Variants in RARRES1 observed in about 807,000 individuals in gnomAD.
RARRES1 encodes the protein retinoic acid receptor responder 1, also known as retinoic acid receptor responder protein 1.
In RARRES1, 34 loss-of-function variants were observed where a neutral mutation model predicts 30.6. The ratio of observed to expected loss-of-function variants is 1.11; its 90% CI spans 0.84 to 1.48. The LOEUF (loss-of-function observed/expected upper bound fraction) is 1.48. Ranked by LOEUF, RARRES1 falls within the 40% of genes most tolerant of loss-of-function variation. The pLI, the probability that RARRES1 is intolerant of heterozygous loss-of-function variation, is 0.00. For synonymous variants in RARRES1, 153 were observed against 155.5 expected, an observed-to-expected ratio of 0.98 and a Z score of 0.12; for missense variants, 373 against 386.5, an observed-to-expected ratio of 0.97 and a Z score of 0.29.
At chr3:158,709,386 A>G (rs1033314710) in intron 3 of RARRES1, among the ~76,000 whole-genome samples, 1 of 151,696 alleles carries the variant, frequency 6.6e-6, no homozygotes, top group Non-Finnish European at 1.5e-5. Flanking sequence ...GTGTAGATTT[A>G]TAAGTATCAG....
Position 158,732,092 on chromosome 3 carries a change from G to A in RARRES1, c.276+48C>T, listed in dbSNP as rs965847450. Reference sequence around the variant, plus strand: ...TACCCAGGTGTCACCTCCCAGCGCCGTGCGCGGACAGGCAGGCGCGTGCCC... The same window carrying A: ...TACCCAGGTGTCACCTCCCAGCGCCATGCGCGGACAGGCAGGCGCGTGCCC... On this transcript the variant is annotated intron_variant, in intron 1 of 5. Coordinates refer to ENST00000237696, the MANE Select transcript of RARRES1 (RefSeq NM_206963.2). 6.2e-6 allele frequency: 8 copies of A among 1,295,456 alleles called. No homozygotes were observed. In the African/African-American group the frequency reaches 9.3e-5, roughly 15 times the overall value. The allele number at this position is 1,295,456 out of a possible 1,614,324, so 80.2% of individuals were successfully genotyped here.
In RARRES1 at chr3:158,697,548, G is replaced by A. The variant is rs548767918; in HGVS notation, c.*130C>T. 3 of 1,019,474 alleles carry A rather than the reference G, an allele frequency of 2.9e-6. No homozygotes were observed. In the East Asian group the frequency reaches 7.5e-5, roughly 25 times the overall value. The allele number at this position is 1,019,474 out of a possible 1,614,324, so 63.2% of individuals were successfully genotyped here. On this transcript the variant is annotated 3_prime_UTR_variant, in exon 6 of 6. Coordinates refer to ENST00000237696, the MANE Select transcript of RARRES1 (RefSeq NM_206963.2). ...AAAAAACCAACATCTTTGCATTTCT[G>A]AGTTTTTACTTGTAATCATAGGTTT...
intron 1 of RARRES1, among the ~76,000 whole-genome samples, chr3:158,717,487 TG>T (rs1337916458): frequency 6.6e-6 from 1 of 152,134 alleles, no homozygotes; most frequent in Non-Finnish European, 1.5e-5. Flanking sequence ...GGAGGAGAGC[TG>T]GCAAGGGCCT....
rs376955382 is a variant in RARRES1, at chr3:158,717,307, G to C, written c.277-3448C>G. ...CAAAACAGCAGCAGCCACTCTCCGG[G>C]CAGTCTAGCGGGAGAGGGCCTTAAA... is the stretch of plus-strand genomic sequence containing the variant. On this transcript the variant is annotated intron_variant, in intron 1 of 5. Transcript: ENST00000237696. 4.6e-5 allele frequency among the ~76,000 whole-genome samples: 7 copies of C among 152,358 alleles called. 1 individual carries two copies. Among genetic ancestry groups the C allele is most frequent in the East Asian group, 1.9e-4 (1 of 5,184 alleles).
chr3:158,724,173 A>G (rs73015635), intron 1 of RARRES1, among the ~76,000 whole-genome samples: 4,779 of 152,218 alleles, frequency 0.031, 240 homozygotes, highest in African/African-American at 0.11. Context: ...GGTGGGAGCA[A>G]GAGCTGCATT....
chr3:158,702,250 G>C (rs563021051), intron 4 of RARRES1, among the ~76,000 whole-genome samples: 37 of 152,278 alleles, frequency 2.4e-4, no homozygotes, highest in Admixed American at 2.4e-3. Context: ...GTGTTAGCCA[G>C]TATGGTCTCC....
chr3:158,728,516 C>CTTTTTTTTTTT (rs755791546), intron 1 of RARRES1, among the ~76,000 whole-genome samples: 26 of 133,922 alleles, frequency 1.9e-4, no homozygotes, highest in African/African-American at 3.4e-4. Flanking sequence ...CTTTTTCTTT[C>CTTTTTTTTTTT]TTTTTTTTTT....
chr3:158,728,516 C>CT (rs755791546), intron 1 of RARRES1, among the ~76,000 whole-genome samples: 5,485 of 133,936 alleles, frequency 0.041, 194 homozygotes, highest in African/African-American at 0.12. Context: ...CTTTTTCTTT[C>CT]TTTTTTTTTT....
chr3:158,726,961 G>GTTGT (rs1727712521), intron 1 of RARRES1, among the ~76,000 whole-genome samples: 1 of 152,158 alleles, frequency 6.6e-6, no homozygotes, highest in Admixed American at 6.5e-5. Context: ...CTGAGATCTG[G>GTTGT]TTGTTTGAGG....
intron 4 of RARRES1, among the ~76,000 whole-genome samples, chr3:158,698,412 C>T (rs1303472515): frequency 6.6e-6 from 1 of 152,196 alleles, no homozygotes; most frequent in Non-Finnish European, 1.5e-5. Context: ...CCTTTACAAT[C>T]TGTGTATTAT....
chr3:158,731,789 G>A (rs919210969), intron 1 of RARRES1, among the ~76,000 whole-genome samples: 1 of 152,216 alleles, frequency 6.6e-6, no homozygotes, highest in Non-Finnish European at 1.5e-5. Flanking sequence ...GGGTACCTCC[G>A]GACAAAATTA....
chr3:158,700,851 T>C (rs529360863), intron 4 of RARRES1, among the ~76,000 whole-genome samples: 96 of 152,322 alleles, frequency 6.3e-4, no homozygotes, highest in African/African-American at 2.1e-3. Context: ...AGTGTTTTGT[T>C]TGTTCCCTTT....
intron 1 of RARRES1, among the ~76,000 whole-genome samples, chr3:158,727,066 G>A (rs941900217): frequency 6.6e-6 from 1 of 152,170 alleles, no homozygotes; most frequent in Non-Finnish European, 1.5e-5. Flanking sequence ...AGCTCCTTGA[G>A]GCCTCTCCAG....
chr3:158,725,681 T>G (rs1559875493), intron 1 of RARRES1, among the ~76,000 whole-genome samples: 1 of 152,188 alleles, frequency 6.6e-6, no homozygotes, highest in Non-Finnish European at 1.5e-5. Flanking sequence ...AAAAAAAACA[T>G]TCCTACTGGC....
intron 1 of RARRES1, among the ~76,000 whole-genome samples, chr3:158,724,827 T>G (rs576249626): frequency 7.4e-4 from 113 of 151,732 alleles, no homozygotes; most frequent in African/African-American, 2.7e-3. Flanking sequence ...AGACTCCCTT[T>G]CTTTTTTTTT....
intron 4 of RARRES1, among the ~76,000 whole-genome samples, chr3:158,704,154 C>T (rs1726829548): frequency 1.3e-5 from 2 of 151,830 alleles, no homozygotes; most frequent in Non-Finnish European, 2.9e-5. Flanking sequence ...TCTCCAGCCC[C>T]ATTGCCACCA....
At chr3:158,702,054 T>C (rs1207700566) in intron 4 of RARRES1, among the ~76,000 whole-genome samples, 2 of 152,192 alleles carry the variant, frequency 1.3e-5, no homozygotes, top group Non-Finnish European at 2.9e-5. Flanking sequence ...TTTTGTTTTT[T>C]TGAGACAGAG....
At chr3:158,732,113 T>A (rs901409008) in intron 1 of RARRES1, 27 bp downstream of exon 1, 57 of 1,315,022 alleles carry the variant, frequency 4.3e-5, no homozygotes, top group Non-Finnish European at 5.5e-5. Context: ...GGCAGGCGCG[T>A]GCCCCGGCGC....
intron 1 of RARRES1, among the ~76,000 whole-genome samples, chr3:158,718,290 T>G (rs939209554): frequency 1.3e-5 from 2 of 152,202 alleles, no homozygotes; most frequent in Non-Finnish European, 2.9e-5. Context: ...AAAACAACAT[T>G]TTTAACATTG....
Sources: allele counts gnomAD v4.1 joint callset (sites outside exome capture counted in the v4.1 genomes callset), GRCh38; gene constraint gnomAD v4.1.1; transcripts MANE v1.5; gene names NCBI Gene and HGNC (gene_info 2026-07-23, HGNC 2026-07-21).